PA2G4: variants seen among roughly 807,000 people sequenced by gnomAD.
PA2G4 encodes the protein proliferation-associated 2G4, also known as proliferation-associated protein 2G4.
Under a neutral mutation model 53.3 loss-of-function variants are expected in PA2G4, and 8 were observed. That is an observed-to-expected ratio of 0.15 (90% CI 0.09 to 0.27). PA2G4 has a LOEUF of 0.27. Ranked by LOEUF, PA2G4 falls within the 10% of genes least tolerant of loss-of-function variation. The pLI, the probability that PA2G4 is intolerant of heterozygous loss-of-function variation, is 1.00. For missense variants in PA2G4, 208 were observed against 486.8 expected (o/e 0.43, Z 5.39); for synonymous variants, 143 against 169.8 (o/e 0.84, Z 1.23).
intron 5 of PA2G4, 53 bp downstream of exon 5, chr12:56,107,666 C>T: frequency 1.7e-6 from 2 of 1,184,068 alleles, no homozygotes; most frequent in Non-Finnish European, 2.5e-6. Flanking sequence ...ATGCATTAGG[C>T]ACCTATAGCT....
chr12:56,105,995 C>T (rs1185551284), intron 1 of PA2G4, among the ~76,000 whole-genome samples: 2 of 152,098 alleles, frequency 1.3e-5, no homozygotes, highest in African/African-American at 4.8e-5. Flanking sequence ...GTTTTTGGTG[C>T]CTTTTAGTAT....
In PA2G4 at chr12:56,109,264, C is replaced by G. The variant is rs1333861475; in HGVS notation, c.521C>G (p.Ala174Gly). Residue 174 changes from alanine to glycine, a missense_variant, in exon 6 of 13, where the codon GCC becomes GGC. Ala to Gly is a moderately conservative substitution (Grantham distance 60, BLOSUM62 0). Coordinates refer to ENST00000303305, the MANE Select transcript of PA2G4 (RefSeq NM_006191.3). ...GTGACAGAAGCCTGGAACAAAGTTGCCCACTCATTTAACTGCACGCCAATA... is the reference window on the plus strand; with the variant it reads ...GTGACAGAAGCCTGGAACAAAGTTGGCCACTCATTTAACTGCACGCCAATA... ...TQVTEAWNKV[A>G]HSFNCTPIEG... The G allele has an allele frequency of 6.2e-7, 1 of 1,611,680 alleles. No homozygotes were observed. The highest frequency in any genetic ancestry group is 8.5e-7 in the Non-Finnish European group (1 of 1,178,982).
chr12:56,104,882 G>A, intron 1 of PA2G4, 57 bp downstream of exon 1: 1 of 1,438,204 alleles, frequency 7.0e-7, no homozygotes, highest in Non-Finnish European at 9.8e-7. Context: ...GTAACAGGCT[G>A]GCCCGGAAGG....
In PA2G4 at chr12:56,104,765, C is replaced by CAA; in HGVS notation, c.30_31dup (p.Thr11LysfsTer9). The CAA allele has an allele frequency of 6.2e-7, 1 of 1,613,926 alleles. No homozygotes were observed. The highest frequency in any genetic ancestry group is 1.1e-5 in the South Asian group (1 of 91,064). ...GTCGGGCGAGGACGAGCAACAGGAG[C>CAA]AAACTATCGCTGAGGACCTGGTCGT... On this transcript the variant is annotated frameshift_variant, in exon 1 of 13. Transcript: ENST00000303305. LOFTEE classifies it high-confidence loss of function.
rs900080134 is a variant in PA2G4, at chr12:56,109,304, A to G, written c.550+11A>G. 6.2e-7 allele frequency: 1 copy of G among 1,602,748 alleles called. No homozygotes were observed. The highest frequency in any genetic ancestry group is 8.5e-7 in the Non-Finnish European group (1 of 1,172,374). On this transcript the variant is annotated intron_variant, in intron 6 of 12. Transcript: ENST00000303305. ...GCACGCCAATAGAAGGTGAGAACAG[A>G]TAACAGGGTTGAGGGTCTAAGAATG...
rs1869317331 is a variant in PA2G4, at chr12:56,107,090, A to G, written c.318A>G (p.Val106=). 6.2e-7 allele frequency: 1 copy of G among 1,612,274 alleles called. No homozygotes were observed. The highest frequency in any genetic ancestry group is 8.5e-7 in the Non-Finnish European group (1 of 1,178,366). ...QDYILKEGDL[V]KIDLGVHVDG... The stretch of plus-strand genomic sequence containing the variant: ...ATATTCTCAAGGAAGGTGACTTGGT[A>G]AAAATGTAAGGTTAAACCGTTTTAA... Residue 106 remains valine (V), a synonymous_variant, in exon 3 of 13, where the codon GTA becomes GTG. Coordinates refer to ENST00000303305, the MANE Select transcript of PA2G4 (RefSeq NM_006191.3).
At chr12:56,110,359 C>CAA (rs370708635) in intron 7 of PA2G4, 40 bp from the exon 8 acceptor site, 964 of 1,084,266 alleles carry the variant, frequency 8.9e-4, no homozygotes, top group Non-Finnish European at 1.1e-3. Flanking sequence ...GACTCTGTGT[C>CAA]AAAAAAAAAA....
At chr12:56,109,128 A>C in intron 5 of PA2G4, 102 bp from the exon 6 acceptor site, 1 of 617,660 alleles carries the variant, frequency 1.6e-6, no homozygotes, top group South Asian at 1.9e-5. Context: ...CCATCTCAAA[A>C]AAAAAAAAAA....
rs1869306830 is a variant in PA2G4, at chr12:56,106,564, G to A, written c.89-24G>A. 4 of 1,531,020 alleles carry A rather than the reference G, an allele frequency of 2.6e-6. No homozygotes were observed. In the South Asian group the frequency reaches 5.0e-5, roughly 19 times the overall value. The allele number at this position is 1,531,020 out of a possible 1,614,324, so 94.8% of individuals were successfully genotyped here. The stretch of plus-strand genomic sequence containing the variant: ...CTAGACAATGAATACATACAAGGCT[G>A]ACATGATGGGATTCTGTCCTCAGGG... On this transcript the variant is annotated intron_variant, in intron 1 of 12. Transcript: ENST00000303305.
intron 1 of PA2G4, among the ~76,000 whole-genome samples, chr12:56,105,517 A>G (rs1869281983): frequency 6.6e-6 from 1 of 152,058 alleles, no homozygotes; most frequent in Non-Finnish European, 1.5e-5. Context: ...CATTACTACC[A>G]CCTTTCCAAT....
At position 56,113,741 on chromosome 12, in the gene PA2G4, T is replaced by C; in HGVS notation, c.*853T>C. The C allele has an allele frequency of 1.5e-6, 1 of 668,870 alleles. No homozygotes were observed. The allele number at this position is 668,870 out of a possible 1,614,324, so 41.4% of individuals were successfully genotyped here. ...ACTGAAGACACAACTCCTGGCTTTCTGAAGCTATGGACTTGGATTGGATTG... is the reference window on the plus strand; with the variant it reads ...ACTGAAGACACAACTCCTGGCTTTCCGAAGCTATGGACTTGGATTGGATTG... On this transcript the variant is annotated 3_prime_UTR_variant, in exon 13 of 13. Transcript: ENST00000303305.
rs1220774885 is a variant in PA2G4, at chr12:56,113,417, A to T, written c.*529A>T. On this transcript the variant is annotated 3_prime_UTR_variant, in exon 13 of 13. Coordinates refer to ENST00000303305, the MANE Select transcript of PA2G4 (RefSeq NM_006191.3). ...TTTTATTCAGTGTGGCCGATTCCTC[A>T]TCTGATTCAGGCTGTCCAGTCAGGC... 1 of 179,644 alleles carries T rather than the reference A, an allele frequency of 5.6e-6. No individual in the cohort carries two copies. The highest frequency in any genetic ancestry group is 1.5e-4 in the East Asian group (1 of 6,724). 11.1% of individuals were successfully genotyped at this position (179,644 alleles called of 1,614,324 possible).
chr12:56,109,824 T>C, intron 6 of PA2G4, 33 bp from the exon 7 acceptor site: 1 of 1,532,396 alleles, frequency 6.5e-7, no homozygotes, highest in Non-Finnish European at 9.0e-7. Flanking sequence ...GGATACTGGA[T>C]AGCTTGTTCC....
At chr12:56,109,417 TGA>T (rs748265107) in intron 6 of PA2G4, 124 bp downstream of exon 6, 30 of 616,504 alleles carry the variant, frequency 4.9e-5, no homozygotes, top group South Asian at 3.2e-4. Flanking sequence ...GTCAGGAGTT[TGA>T]GACTAGCCTG....
At chr12:56,110,791 A>G (rs949440728) in intron 9 of PA2G4, 99 bp downstream of exon 9, 21 of 1,449,366 alleles carry the variant, frequency 1.4e-5, no homozygotes, top group Admixed American at 1.2e-4. Flanking sequence ...TGTAGCGTGC[A>G]TGTGCTCACT....
rs1308823508 is a variant in PA2G4, at chr12:56,109,963, C to G, written c.629+28C>G. On this transcript the variant is annotated intron_variant, in intron 7 of 12. Coordinates refer to ENST00000303305, the MANE Select transcript of PA2G4 (RefSeq NM_006191.3). ...AGGTGCCAACCCTACTTATTACCTT[C>G]TACCACACAAGACTAGTCATCAGGT... 5 of 1,505,096 alleles carry G rather than the reference C, an allele frequency of 3.3e-6. No individual in the cohort carries two copies. In the African/African-American group the frequency reaches 5.5e-5, roughly 17 times the overall value. 93.2% of individuals were successfully genotyped at this position (1,505,096 alleles called of 1,614,324 possible).
At chr12:56,109,143 G>GTT (rs1869364389) in intron 5 of PA2G4, 87 bp from the exon 6 acceptor site, 2 of 507,978 alleles carry the variant, frequency 3.9e-6, no homozygotes, top group African/African-American at 4.6e-5. Flanking sequence ...AAAAAAAAAC[G>GTT]CTCAGTTCTT....
At position 56,107,241 on chromosome 12, in the gene PA2G4, G is replaced by A; in HGVS notation, c.378G>A (p.Val126=). 1.2e-6 allele frequency: 2 copies of A among 1,612,882 alleles called. No individual in the cohort carries two copies. Among genetic ancestry groups the A allele is most frequent in the Non-Finnish European group, 8.5e-7 (1 of 1,179,680 alleles). ...GFIANVAHTF[V]VDVAQGTQVT... ...TCGCTAATGTAGCTCACACTTTTGT[G>A]GTTGATGTAGCTCAGGTAGGTGGCC... is the stretch of plus-strand genomic sequence containing the variant. The change falls in exon 4 of 13, where the codon GTG becomes GTA. Residue 126 remains valine (V), a synonymous_variant. Coordinates refer to ENST00000303305, the MANE Select transcript of PA2G4 (RefSeq NM_006191.3).
At chr12:56,108,362 T>C (rs187469391) in intron 5 of PA2G4, among the ~76,000 whole-genome samples, 3 of 152,356 alleles carry the variant, frequency 2.0e-5, no homozygotes, top group Non-Finnish European at 4.4e-5. Flanking sequence ...TCTGCCCTGT[T>C]CACATGCAAA....
Sources: allele counts gnomAD v4.1 joint callset (sites outside exome capture counted in the v4.1 genomes callset), GRCh38; gene constraint gnomAD v4.1.1; transcripts MANE v1.5; gene names NCBI Gene and HGNC (gene_info 2026-07-23, HGNC 2026-07-21).